The following MSH4 variants were observed in gnomAD, a reference collection of about 807,000 sequenced individuals.
MSH4 encodes mutS protein homolog 4.
MSH4 carries 106 observed loss-of-function variants against 113.7 expected under a neutral mutation model. That is an observed-to-expected ratio of 0.93 (90% CI 0.80 to 1.10). The LOEUF is 1.10. MSH4 is among the 50% of genes least tolerant of loss of function. MSH4 has a pLI of 0.00. For missense variants in MSH4, 1,061 were observed against 1,093.7 expected, an observed-to-expected ratio of 0.97 and a Z score of 0.42; for synonymous variants, 368 against 380.2, an observed-to-expected ratio of 0.97 and a Z score of 0.37.
chr1:75,911,650 G>A (rs941573721), intron 19 of MSH4, among the ~76,000 whole-genome samples: 2 of 151,948 alleles, frequency 1.3e-5, no homozygotes, highest in African/African-American at 2.4e-5. Flanking sequence ...ATATATAAAC[G>A]TAAGCTTAGA....
chr1:75,837,122 C>T (rs55977041), intron 7 of MSH4, among the ~76,000 whole-genome samples: 4,497 of 152,222 alleles, frequency 0.03, 71 homozygotes, highest in African/African-American at 0.041. Context: ...CCAGAGACCT[C>T]ATGAATGGGA....
At chr1:75,816,634 T>C in intron 6 of MSH4, 88 bp downstream of exon 6, 1 of 866,542 alleles carries the variant, frequency 1.2e-6, no homozygotes, top group South Asian at 3.8e-5. Flanking sequence ...TTTTTTCTTT[T>C]TTAAATTTTG....
chr1:75,822,333 A>G, intron 6 of MSH4, 76 bp from the exon 7 acceptor site: 1 of 849,482 alleles, frequency 1.2e-6, no homozygotes, highest in Non-Finnish European at 1.8e-6. Flanking sequence ...TTATAGGATT[A>G]TTTAATTACA....
At chr1:75,860,492 C>G (rs1019784245) in intron 8 of MSH4, among the ~76,000 whole-genome samples, 5 of 152,084 alleles carry the variant, frequency 3.3e-5, no homozygotes, top group Admixed American at 2.6e-4. Context: ...TTGCTTCTCG[C>G]TAAAGGATTT....
At chr1:75,809,073 A>T (rs997624197) in intron 3 of MSH4, among the ~76,000 whole-genome samples, 19 of 152,022 alleles carry the variant, frequency 1.2e-4, no homozygotes, top group African/African-American at 4.6e-4. Context: ...TGATTTTTAA[A>T]TTTTTTTTGT....
chr1:75,882,988 T>C (rs1651968891), intron 14 of MSH4, among the ~76,000 whole-genome samples: 1 of 151,998 alleles, frequency 6.6e-6, no homozygotes, highest in South Asian at 2.1e-4. Flanking sequence ...CAATGAGTAC[T>C]TGGTTCTTTT....
intron 8 of MSH4, among the ~76,000 whole-genome samples, chr1:75,856,974 G>T (rs976205219): frequency 1.3e-5 from 2 of 151,988 alleles, no homozygotes; most frequent in Non-Finnish European, 2.9e-5. Flanking sequence ...TTTAATGATC[G>T]CCATTCTAAC....
intron 6 of MSH4, among the ~76,000 whole-genome samples, chr1:75,819,219 C>T (rs1464899125): frequency 2.0e-5 from 3 of 152,272 alleles, no homozygotes; most frequent in East Asian, 1.9e-4. Context: ...TGGCTAAGTG[C>T]GGTGGCTCAT....
intron 8 of MSH4, among the ~76,000 whole-genome samples, chr1:75,858,556 A>G (rs1437096969): frequency 6.6e-6 from 1 of 151,882 alleles, no homozygotes; most frequent in Non-Finnish European, 1.5e-5. Flanking sequence ...TGTTTTTGTG[A>G]TGGATTATGT....
chr1:75,858,020 T>C (rs1220090848), intron 8 of MSH4, among the ~76,000 whole-genome samples: 2 of 152,178 alleles, frequency 1.3e-5, no homozygotes, highest in African/African-American at 4.8e-5. Flanking sequence ...TTTATTCTCT[T>C]AGTAGCAATA....
chr1:75,853,520 A>G (rs1024506363), intron 8 of MSH4, among the ~76,000 whole-genome samples: 1 of 152,066 alleles, frequency 6.6e-6, no homozygotes, highest in Non-Finnish European at 1.5e-5. Context: ...AGATGGTGTA[A>G]AATTGCTGCA....
At chr1:75,887,509 T>A (rs1652151113) in intron 15 of MSH4, among the ~76,000 whole-genome samples, 1 of 152,148 alleles carries the variant, frequency 6.6e-6, no homozygotes, top group African/African-American at 2.4e-5. Flanking sequence ...GTATATACCT[T>A]GCATGATAAT....
chr1:75,906,449 A>G (rs1317322952), intron 19 of MSH4, among the ~76,000 whole-genome samples: 1 of 58,246 alleles, frequency 1.7e-5, no homozygotes, highest in African/African-American at 6.9e-5. Flanking sequence ...TATATAATAT[A>G]TATACAATAT....
chr1:75,820,594 A>C (rs1650388371), intron 6 of MSH4, among the ~76,000 whole-genome samples: 1 of 152,142 alleles, frequency 6.6e-6, no homozygotes, highest in Non-Finnish European at 1.5e-5. Context: ...TAGATTTTCT[A>C]GTTTATTTGC....
intron 7 of MSH4, among the ~76,000 whole-genome samples, chr1:75,839,484 G>C (rs1338307522): frequency 1.3e-5 from 2 of 152,084 alleles, no homozygotes; most frequent in East Asian, 3.8e-4. Context: ...CAAAGTGTTG[G>C]GATTACAGGT....
intron 9 of MSH4, among the ~76,000 whole-genome samples, chr1:75,872,299 C>A (rs1257684430): frequency 6.6e-6 from 1 of 152,038 alleles, no homozygotes; most frequent in Non-Finnish European, 1.5e-5. Context: ...TGTTTTTTTG[C>A]TTATTGCCTG....
At chr1:75,841,087 T>G (rs1650949243) in intron 7 of MSH4, among the ~76,000 whole-genome samples, 1 of 152,132 alleles carries the variant, frequency 6.6e-6, no homozygotes, top group Non-Finnish European at 1.5e-5. Context: ...GCAGATGTTT[T>G]TTGGATATAG....
chr1:75,842,047 T>C (rs1260682306), intron 7 of MSH4, among the ~76,000 whole-genome samples: 1 of 152,180 alleles, frequency 6.6e-6, no homozygotes, highest in Non-Finnish European at 1.5e-5. Flanking sequence ...CTTGGTTTTG[T>C]ATATTTTAGG....
intron 3 of MSH4, among the ~76,000 whole-genome samples, chr1:75,809,010 CACCTCA>C (rs1650129189): frequency 6.6e-6 from 1 of 152,074 alleles, no homozygotes; most frequent in Non-Finnish European, 1.5e-5. Context: ...TGCAGCCTCC[CACCTCA>C]GCCTCTTGAG....
Sources: gnomAD v4.1 joint callset for allele counts (sites outside exome capture counted in the v4.1 genomes callset) on GRCh38, gnomAD v4.1.1 for gene constraint, MANE v1.5 for transcripts, NCBI Gene and HGNC (gene_info 2026-07-23, HGNC 2026-07-21) for gene names.